The following CLTCL1 variants were observed in gnomAD, a reference collection of about 807,000 sequenced individuals.
CLTCL1 encodes clathrin heavy chain like 1.
In CLTCL1, 159 loss-of-function variants were observed where a neutral mutation model predicts 190.0. The observed-to-expected ratio is 0.84, with a 90% CI of 0.74 to 0.95. The LOEUF (loss-of-function observed/expected upper bound fraction) is 0.95, where lower values mean the gene tolerates loss of function less well. CLTCL1 is among the 40% of genes least tolerant of loss of function. CLTCL1 has a pLI of 0.00. For synonymous variants in CLTCL1, 752 were observed against 769.6 expected, an observed-to-expected ratio of 0.98 and a Z score of 0.38; for missense variants, 1,878 against 2,033.4, an observed-to-expected ratio of 0.92 and a Z score of 1.47.
At chr22:19,183,147 A>G (rs1388562652) in intron 30 of CLTCL1, 47 of 497,976 alleles carry the variant, frequency 9.4e-5, no homozygotes, top group African/African-American at 9.1e-4. Flanking sequence ...GCCCAGCCAG[A>G]GTCTACAGGA....
At chr22:19,232,445 C>T in intron 10 of CLTCL1, 31 bp downstream of exon 10, 2 of 1,613,272 alleles carry the variant, frequency 1.2e-6, no homozygotes. Context: ...TAAAAAGCCA[C>T]AAAAAGTTGT....
chr22:19,187,769 T>C (rs567198819), intron 28 of CLTCL1, 41 bp from the exon 29 acceptor site: 10 of 1,598,690 alleles, frequency 6.3e-6, no homozygotes, highest in African/African-American at 4.0e-5. Flanking sequence ...GACACTGACA[T>C]GGGCTGCCTA....
chr22:19,219,655 T>C (rs2085505298), intron 18 of CLTCL1, among the ~76,000 whole-genome samples: 1 of 151,714 alleles, frequency 6.6e-6, no homozygotes, highest in African/African-American at 2.4e-5. Flanking sequence ...GGCTAATTTT[T>C]GTATTTTTAG....
intron 4 of CLTCL1, among the ~76,000 whole-genome samples, chr22:19,239,987 C>T (rs1460737671): frequency 7.4e-5 from 11 of 148,730 alleles, no homozygotes; most frequent in Admixed American, 5.4e-4. Flanking sequence ...CTCGCTCTGT[C>T]GCTCAGGCTG....
At chr22:19,287,960 C>T (rs2087966672) in intron 1 of CLTCL1, among the ~76,000 whole-genome samples, 1 of 152,136 alleles carries the variant, frequency 6.6e-6, no homozygotes, top group South Asian at 2.1e-4. Context: ...ACACTGTTAC[C>T]TATAGTCTGA....
chr22:19,179,495 AATATTT>A lies in CLTCL1; in HGVS notation c.*489_*494del, dbSNP rs1226161171. On this transcript the variant is annotated 3_prime_UTR_variant, in exon 33 of 33. Coordinates refer to ENST00000427926, the MANE Select transcript of CLTCL1 (RefSeq NM_007098.4). ...ACCTTTGCCTGGATAAACCGACTTT[AATATTT>A]ATGATTGCCAAGAGGCTGAGAGTCC... 6.6e-6 allele frequency: 1 copy of A among 152,580 alleles called. No homozygotes were observed. The highest frequency in any genetic ancestry group is 2.4e-5 in the African/African-American group (1 of 41,462). 9.5% of individuals were successfully genotyped at this position (152,580 alleles called of 1,614,324 possible).
At chr22:19,202,554 T>C (rs200673512) in intron 22 of CLTCL1, among the ~76,000 whole-genome samples, 1,244 of 37,136 alleles carry the variant, frequency 0.033, 8 homozygotes, top group East Asian at 0.074. Flanking sequence ...CTGTCATCCA[T>C]GGCACCTCCC....
At chr22:19,199,018 T>C (rs2084796058) in intron 24 of CLTCL1, among the ~76,000 whole-genome samples, 1 of 152,122 alleles carries the variant, frequency 6.6e-6, no homozygotes, top group African/African-American at 2.4e-5. Context: ...CCAGCTAATA[T>C]CTGGACACTC....
intron 3 of CLTCL1, among the ~76,000 whole-genome samples, chr22:19,243,722 G>C (rs1324788075): frequency 7.6e-6 from 1 of 131,634 alleles, no homozygotes; most frequent in African/African-American, 2.8e-5. Context: ...TTTTGTGATG[G>C]AGTCTTGCTC....
intron 11 of CLTCL1, 22 bp from the exon 12 acceptor site, chr22:19,226,405 G>A: frequency 6.2e-7 from 1 of 1,613,458 alleles, no homozygotes; most frequent in Non-Finnish European, 8.5e-7. Context: ...GGAGTTCGGT[G>A]AGAAGCCCTG....
At chr22:19,252,602 C>T (rs2086625205) in intron 3 of CLTCL1, among the ~76,000 whole-genome samples, 1 of 152,234 alleles carries the variant, frequency 6.6e-6, no homozygotes. Flanking sequence ...GATACACCTT[C>T]CCCACTAGGC....
chr22:19,239,386 C>A lies in CLTCL1; in HGVS notation c.684G>T (p.Leu228Phe). Reference protein sequence around the residue: ...FAVRNPTGGKLHIIEVGQPAA... With the variant: ...FAVRNPTGGKFHIIEVGQPAA... ...CAGGCTGTCCAACTTCAATGATGTG[C>A]AACTAGAAGAGAGATTTTAGGTCAA... The change falls in exon 5 of 33, where the codon TTG becomes TTT. Residue 228 changes from leucine (L) to phenylalanine (F), a missense_variant and splice_region_variant. By Grantham distance (22) the Leu-to-Phe change is conservative. Transcript: ENST00000427926. 1 of 1,612,746 alleles carries A rather than the reference C, an allele frequency of 6.2e-7. No homozygotes were observed.
chr22:19,291,690 G>A lies in CLTCL1; in HGVS notation c.-49C>T, dbSNP rs926059540. ...GGCGGCGGCAGCGGCAGGAATGAAC[G>A]CCGACCCCTCGCGCGGGCTGACCGG... On this transcript the variant is annotated 5_prime_UTR_variant, in exon 1 of 33. Transcript: ENST00000427926. The A allele has an allele frequency of 4.5e-6, 6 of 1,328,832 alleles. No individual in the cohort carries two copies. The highest frequency in any genetic ancestry group is 2.0e-5 in the South Asian group (1 of 50,664). 82.3% of individuals were successfully genotyped at this position (1,328,832 alleles called of 1,614,324 possible). A position where few individuals can be genotyped will look rare whatever the true frequency, so the allele number is the denominator to read the frequency against.
chr22:19,180,193 A>T lies in CLTCL1; in HGVS notation c.*20+6T>A, dbSNP rs782012995. 8 of 1,613,182 alleles carry T rather than the reference A, an allele frequency of 5.0e-6. No homozygotes were observed. Among genetic ancestry groups the T allele is most frequent in the Non-Finnish European group, 5.9e-6 (7 of 1,179,282 alleles). On this transcript the variant is annotated splice_donor_region_variant and intron_variant, in intron 32 of 32. Transcript: ENST00000427926. ...GGATAAGCTAGTCTCCAAATGGGACACTTACTTAGTGCAATCAGCTGGGTC... is the reference window on the plus strand; with the variant it reads ...GGATAAGCTAGTCTCCAAATGGGACTCTTACTTAGTGCAATCAGCTGGGTC...
At chr22:19,197,321 C>T (rs550256823) in intron 24 of CLTCL1, among the ~76,000 whole-genome samples, 6 of 152,178 alleles carry the variant, frequency 3.9e-5, no homozygotes, top group African/African-American at 1.4e-4. Flanking sequence ...TCAGACTAAC[C>T]TCATTTCCCA....
Position 19,191,319 on chromosome 22 carries a change from G to A in CLTCL1, c.4308C>T (p.Val1436=), listed in dbSNP as rs921723501. 5 of 1,613,852 alleles carry A rather than the reference G, an allele frequency of 3.1e-6. No individual in the cohort carries two copies. The African/African-American group carries it at 6.7e-5, about 22-fold the overall frequency. Residue 1436 remains valine (V), a synonymous_variant, in exon 27 of 33, where the codon GTC becomes GTT. Transcript: ENST00000427926. The stretch of plus-strand genomic sequence containing the variant: ...GTTGACTCACCTTTGAAAAGAAACT[G>A]ACTGTCCAGGTGTGGTCCAGCCGGG... ...LSPRLDHTWT[V]SFFSKAGQLP... is the part of the protein sequence containing the mutation.
At chr22:19,255,560 C>G (rs1555972012) in intron 2 of CLTCL1, among the ~76,000 whole-genome samples, 1 of 150,784 alleles carries the variant, frequency 6.6e-6, no homozygotes. Flanking sequence ...GAAAACAGGT[C>G]TCAAAAAAAA....
At chr22:19,203,102 G>A (rs546357470) in intron 22 of CLTCL1, among the ~76,000 whole-genome samples, 10 of 152,318 alleles carry the variant, frequency 6.6e-5, no homozygotes, top group Non-Finnish European at 1.2e-4. Flanking sequence ...ATCACCTGAG[G>A]TCAGGAGTTT....
chr22:19,276,603 A>C (rs2087512467), intron 1 of CLTCL1, among the ~76,000 whole-genome samples: 1 of 152,138 alleles, frequency 6.6e-6, no homozygotes, highest in South Asian at 2.1e-4. Context: ...CAAAGCACCA[A>C]GCTTATTTCT....
Sources: allele counts gnomAD v4.1 joint callset (sites outside exome capture counted in the v4.1 genomes callset), GRCh38; gene constraint gnomAD v4.1.1; transcripts MANE v1.5; gene names NCBI Gene and HGNC (gene_info 2026-07-23, HGNC 2026-07-21).